Variants in PEX7 observed in about 807,000 individuals in gnomAD.
PEX7 encodes PTS2 receptor.
A neutral mutation model predicts 47.5 loss-of-function variants in PEX7; 34 were observed. The observed-to-expected ratio is 0.72, with a 90% CI of 0.54 to 0.95. The LOEUF is 0.95. PEX7 is among the 40% of genes least tolerant of loss of function. PEX7 has a pLI of 0.00. For missense variants in PEX7, 394 were observed against 400.3 expected, an observed-to-expected ratio of 0.98 and a Z score of 0.13; for synonymous variants, 141 against 148.8, an observed-to-expected ratio of 0.95 and a Z score of 0.38.
At chr6:136,892,754 T>C (rs375699018) in intron 8 of PEX7, among the ~76,000 whole-genome samples, 1 of 152,336 alleles carries the variant, frequency 6.6e-6, no homozygotes, top group African/African-American at 2.4e-5. Flanking sequence ...CATGGAAATA[T>C]TATGAGTACT....
chr6:136,848,457 C>T (rs1190819967), intron 5 of PEX7, among the ~76,000 whole-genome samples: 1 of 152,112 alleles, frequency 6.6e-6, no homozygotes, highest in Non-Finnish European at 1.5e-5. Context: ...TTTACCCATT[C>T]AGTAAATATT....
At chr6:136,849,491 G>A (rs878899207) in intron 5 of PEX7, among the ~76,000 whole-genome samples, 1 of 152,146 alleles carries the variant, frequency 6.6e-6, no homozygotes, top group Non-Finnish European at 1.5e-5. Context: ...TGGGCATTTA[G>A]TGCTATGAAT....
chr6:136,828,824 T>G (rs1468557282), intron 3 of PEX7, among the ~76,000 whole-genome samples: 1 of 152,240 alleles, frequency 6.6e-6, no homozygotes, highest in Non-Finnish European at 1.5e-5. Flanking sequence ...TAGTGTTAGG[T>G]TACTTTGAGT....
intron 5 of PEX7, among the ~76,000 whole-genome samples, chr6:136,849,118 G>A (rs1260359528): frequency 1.3e-5 from 2 of 152,128 alleles, no homozygotes; most frequent in Non-Finnish European, 2.9e-5. Context: ...ATTTCTTCTA[G>A]ATTTTCTAGT....
chr6:136,823,468 G>A, intron 1 of PEX7: 1 of 506,890 alleles, frequency 2.0e-6, no homozygotes, highest in Non-Finnish European at 2.5e-6. Flanking sequence ...TGAGGCGGGA[G>A]GATCGCTTGA....
chr6:136,872,563 A>T (rs1274183017), intron 8 of PEX7, among the ~76,000 whole-genome samples: 1 of 152,178 alleles, frequency 6.6e-6, no homozygotes, highest in African/African-American at 2.4e-5. Context: ...CTAAATTTAG[A>T]TATAGAAATT....
At chr6:136,859,456 G>A (rs773669569) in intron 5 of PEX7, among the ~76,000 whole-genome samples, 17 of 151,906 alleles carry the variant, frequency 1.1e-4, no homozygotes, top group Non-Finnish European at 1.6e-4. Context: ...ATCTAGTTGC[G>A]TAAGTCATAA....
intron 9 of PEX7, among the ~76,000 whole-genome samples, chr6:136,909,311 A>AAAAC (rs111784711): frequency 0.03 from 4,610 of 152,298 alleles, 239 homozygotes; most frequent in African/African-American, 0.1. Context: ...CCTGAAATTA[A>AAAAC]AAACAAACAA....
intron 5 of PEX7, among the ~76,000 whole-genome samples, chr6:136,857,453 A>G (rs557761102): frequency 1.3e-5 from 2 of 152,352 alleles, no homozygotes; most frequent in Non-Finnish European, 2.9e-5. Context: ...TTGGAGATTC[A>G]GTGAGGAAGA....
intron 9 of PEX7, among the ~76,000 whole-genome samples, chr6:136,905,062 A>G (rs1775823432): frequency 6.6e-6 from 1 of 152,014 alleles, no homozygotes; most frequent in African/African-American, 2.4e-5. Context: ...TTTTTAGTCC[A>G]TTCTCCACTG....
intron 1 of PEX7, chr6:136,823,315 C>G: frequency 2.0e-6 from 2 of 985,392 alleles, no homozygotes; most frequent in Non-Finnish European, 2.4e-6. Context: ...ACGGGTGACA[C>G]CATGAAATAT....
At chr6:136,909,915 C>G (rs1775906663) in intron 9 of PEX7, among the ~76,000 whole-genome samples, 1 of 152,130 alleles carries the variant, frequency 6.6e-6, no homozygotes, top group Non-Finnish European at 1.5e-5. Flanking sequence ...TTCTCTGATT[C>G]TCTTCTCTCC....
At chr6:136,868,961 C>CA (rs1039236479) in intron 6 of PEX7, among the ~76,000 whole-genome samples, 11 of 152,292 alleles carry the variant, frequency 7.2e-5, no homozygotes, top group African/African-American at 2.4e-4. Flanking sequence ...GAGTTGGAAA[C>CA]AATGATTAAT....
chr6:136,872,946 T>G (rs1775208116), intron 8 of PEX7, among the ~76,000 whole-genome samples: 1 of 151,852 alleles, frequency 6.6e-6, no homozygotes, highest in South Asian at 2.1e-4. Context: ...TTGCTTAGAG[T>G]TTTTTTTGTC....
chr6:136,879,385 T>G (rs1264375592), intron 8 of PEX7, among the ~76,000 whole-genome samples: 1 of 152,234 alleles, frequency 6.6e-6, no homozygotes, highest in Non-Finnish European at 1.5e-5. Flanking sequence ...GAGGATAGTT[T>G]AGCTGAATAT....
At chr6:136,825,157 C>A in intron 1 of PEX7, 57 bp from the exon 2 acceptor site, 2 of 1,418,456 alleles carry the variant, frequency 1.4e-6, no homozygotes, top group Non-Finnish European at 2.0e-6. Flanking sequence ...AACTCCTTGA[C>A]TTTCGATGTT....
At chr6:136,830,030 G>A in intron 3 of PEX7, 1 of 715,088 alleles carries the variant, frequency 1.4e-6, no homozygotes, top group Non-Finnish European at 2.6e-6. Context: ...GCTGTGTTGT[G>A]AAATAGAAGA....
rs1173582316 is a variant in PEX7, at chr6:136,872,248, T to C, written c.798T>C (p.Thr266=). The C allele has an allele frequency of 6.2e-7, 1 of 1,610,294 alleles. No homozygotes were observed. Among genetic ancestry groups the C allele is most frequent in the Admixed American group, 1.7e-5 (1 of 59,932 alleles). ...TGGCCTCTTGCTCGTATGATTTTAC[T>C]GTAAGGTACAGTGGTTTTTAATACA... ...SVLASCSYDF[T]VRFWNFSKPD... The change falls in exon 8 of 10, where the codon ACT becomes ACC. Residue 266 remains threonine, a synonymous_variant. Coordinates refer to ENST00000318471, the MANE Select transcript of PEX7 (RefSeq NM_000288.4).
chr6:136,868,591 A>C (rs1406669590), intron 6 of PEX7, among the ~76,000 whole-genome samples: 6 of 152,110 alleles, frequency 3.9e-5, no homozygotes. Context: ...TAGACATTTG[A>C]GAGTGATTTA....
Sources: allele counts gnomAD v4.1 joint callset (sites outside exome capture counted in the v4.1 genomes callset), GRCh38; gene constraint gnomAD v4.1.1; transcripts MANE v1.5; gene names NCBI Gene and HGNC (gene_info 2026-07-23, HGNC 2026-07-21).